The following EP400 variants were observed in gnomAD, a reference collection of about 807,000 sequenced individuals.
The protein encoded by EP400 is E1A binding protein p400.
EP400 carries 105 observed loss-of-function variants against 354.1 expected under a neutral mutation model. The ratio of observed to expected loss-of-function variants is 0.30; its 90% CI spans 0.25 to 0.35. The LOEUF (loss-of-function observed/expected upper bound fraction) is 0.35. EP400 is among the 10% of genes least tolerant of loss of function. The pLI, the probability that EP400 is intolerant of heterozygous loss-of-function variation, is 1.00. For missense variants in EP400, 3,280 were observed against 4,121.0 expected (o/e 0.80, Z 5.59); for synonymous variants, 1,646 against 1,716.9 (o/e 0.96, Z 1.02).
intron 51 of EP400, 69 bp downstream of exon 51, chr12:132,069,710 G>A (rs1054168489): frequency 8.2e-6 from 13 of 1,583,272 alleles, no homozygotes; most frequent in Admixed American, 5.2e-5. Context: ...TGTGTGTCTC[G>A]CGGGCTTTGC....
chr12:131,996,967 A>G (rs1384016668), intron 12 of EP400, among the ~76,000 whole-genome samples: 1 of 152,220 alleles, frequency 6.6e-6, no homozygotes, highest in Non-Finnish European at 1.5e-5. Flanking sequence ...TAATTTCAGC[A>G]TACAGCAAGT....
At position 132,069,525 on chromosome 12, in the gene EP400, G is replaced by A. The variant is rs148940674; in HGVS notation, c.8905G>A (p.Ala2969Thr). 17 of 1,614,090 alleles carry A rather than the reference G, an allele frequency of 1.1e-5. No homozygotes were observed. The highest frequency in any genetic ancestry group is 6.7e-5 in the African/African-American group (5 of 74,948). Residue 2969 changes from alanine (A) to threonine (T), a missense_variant, in exon 51 of 53, where the codon GCG (alanine) becomes ACG (threonine). Physicochemically the swap from Ala to Thr is moderately conservative, Grantham distance 58. Coordinates refer to ENST00000389561, the MANE Select transcript of EP400 (RefSeq NM_015409.5). ...CGCACAGCAGATCACCACCCCTGGC[G>A]CGCAGCAGAAGGTTGCCTACGCCGC... ...ITAQQITTPG[A>T]QQKVAYAAQP...
At position 132,021,201 on chromosome 12, in the gene EP400, G is replaced by A; in HGVS notation, c.4570G>A (p.Ala1524Thr). The A allele has an allele frequency of 6.2e-7, 1 of 1,600,016 alleles. No homozygotes were observed. Among genetic ancestry groups the A allele is most frequent in the Non-Finnish European group, 8.5e-7 (1 of 1,179,322 alleles). ...TGCGAAACTGCGGGCCCAGACCACA[G>A]CACAGGCCTCCACCCCAGGCCAGCC... is the stretch of plus-strand genomic sequence containing the variant. The part of the protein sequence containing the change: ...HPAKLRAQTT[A>T]QASTPGQPPP... Residue 1524 changes from alanine (A) to threonine (T), a missense_variant, in exon 23 of 53, where the codon GCA becomes ACA. This residue lies in a region of EP400 where 342 missense variants were observed against 342.7 expected (regional missense o/e 1.00). Coordinates refer to ENST00000389561, the MANE Select transcript of EP400 (RefSeq NM_015409.5).
intron 39 of EP400, among the ~76,000 whole-genome samples, chr12:132,049,921 G>A (rs1433340172): frequency 6.6e-6 from 1 of 152,184 alleles, no homozygotes; most frequent in Non-Finnish European, 1.5e-5. Context: ...GTCCACCGTG[G>A]GCAGATGACA....
chr12:132,067,320 C>T lies in EP400; in HGVS notation c.8750-42C>T. ...CAGAGCTTGGCGTGAGCCTCAAGCTCTTTTCCCAGTGTGCTGACTAAGGGG... is the reference window on the plus strand; with the variant it reads ...CAGAGCTTGGCGTGAGCCTCAAGCTTTTTTCCCAGTGTGCTGACTAAGGGG... On this transcript the variant is annotated intron_variant, in intron 49 of 52. Coordinates refer to ENST00000389561, the MANE Select transcript of EP400 (RefSeq NM_015409.5). The surrounding 1 kb of genome is among the most constrained non-coding windows in gnomAD (Gnocchi z 5.3). The T allele has an allele frequency of 1.3e-6, 2 of 1,598,706 alleles. No individual in the cohort carries two copies. Among genetic ancestry groups the T allele is most frequent in the African/African-American group, 1.3e-5 (1 of 74,632 alleles).
rs957998682 is a variant in EP400 at position 131,965,820 on chromosome 12, A to G, written c.1335+3866A>G. Among the ~76,000 whole-genome samples the G allele has an allele frequency of 5.3e-5, 8 of 152,182 alleles. No individual in the cohort carries two copies. The East Asian group carries it at 7.7e-4, about 15-fold the overall frequency. On this transcript the variant is annotated intron_variant, in intron 2 of 52. Transcript: ENST00000389561. The stretch of plus-strand genomic sequence containing the variant: ...TTTGTTCTTTTTATTGCTGAGTGCT[A>G]TTCCATTGTGTGAATGTGCCCCAGT...
chr12:132,050,179 T>C lies in EP400; in HGVS notation c.7201-144T>C. 2 of 1,019,760 alleles carry C rather than the reference T, an allele frequency of 2.0e-6. No individual in the cohort carries two copies. Among genetic ancestry groups the C allele is most frequent in the South Asian group, 3.2e-5 (2 of 61,806 alleles). 63.2% of individuals were successfully genotyped at this position (1,019,760 alleles called of 1,614,324 possible). The stretch of plus-strand genomic sequence containing the variant: ...CGCTGCTGTTGGGTTATGCCTGAAC[T>C]TGGAAAGAAGGCCCAGGAAAAGGAA... On this transcript the variant is annotated intron_variant, in intron 39 of 52. Transcript: ENST00000389561. The surrounding 1 kb of genome is among the most constrained non-coding windows in gnomAD (Gnocchi z 4.8).
chr12:131,996,958 A>T (rs980533753), intron 12 of EP400, among the ~76,000 whole-genome samples: 4 of 152,172 alleles, frequency 2.6e-5, no homozygotes, highest in Non-Finnish European at 4.4e-5. Flanking sequence ...AGGCGTTCTT[A>T]ATTTCAGCAT....
In EP400 at chr12:132,067,280, G is replaced by T; in HGVS notation, c.8750-82G>T. On this transcript the variant is annotated intron_variant, in intron 49 of 52. Coordinates refer to ENST00000389561, the MANE Select transcript of EP400 (RefSeq NM_015409.5). This position sits in a 1 kb window ranked among gnomAD's most constrained non-coding sequence, Gnocchi z 5.3. ...TCATAGTTTGTTATTTTCTGTAGAG[G>T]TGAGTCAGTTGGAACAGAGCTTGGC... is the stretch of plus-strand genomic sequence containing the variant. 3 of 1,548,178 alleles carry T rather than the reference G, an allele frequency of 1.9e-6. No individual in the cohort carries two copies. The highest frequency in any genetic ancestry group is 1.7e-6 in the Non-Finnish European group (2 of 1,144,464).
At chr12:132,032,785 C>G (rs1894564886) in intron 30 of EP400, among the ~76,000 whole-genome samples, 1 of 152,036 alleles carries the variant, frequency 6.6e-6, no homozygotes, top group South Asian at 2.1e-4. Flanking sequence ...CGTGCACCAC[C>G]ACGACCGGCT....
chr12:132,057,565 T>C (rs1895554496), intron 45 of EP400, among the ~76,000 whole-genome samples: 2 of 152,228 alleles, frequency 1.3e-5, no homozygotes, highest in Non-Finnish European at 2.9e-5. Flanking sequence ...CCGTCAGAAT[T>C]CGTAGAACCA....
In EP400 at chr12:132,050,456, C is replaced by T. The variant is rs1895252394; in HGVS notation, c.7334C>T (p.Pro2445Leu). 1 of 1,614,050 alleles carries T rather than the reference C, an allele frequency of 6.2e-7. No homozygotes were observed. Among genetic ancestry groups the T allele is most frequent in the African/African-American group, 1.3e-5 (1 of 74,926 alleles). The change falls in exon 40 of 53, where the codon CCT becomes CTT. Residue 2445 changes from proline to leucine, a missense_variant. This residue lies in a region of EP400 where 29 missense variants were observed against 86.0 expected (regional missense o/e 0.34). Coordinates refer to ENST00000389561, the MANE Select transcript of EP400 (RefSeq NM_015409.5). The surrounding 1 kb of genome is among the most constrained non-coding windows in gnomAD (Gnocchi z 4.8). ...GGCAAGAGGAGTCCCCCAATCAAAC[C>T]TCTGTATGTTTCCTGAGTGCTCATT... ...TAGKRSPPIK[P>L]LLGMNPFQKN...
In EP400 at chr12:132,025,780, A is replaced by G. The variant is rs1366590341; in HGVS notation, c.4990A>G (p.Ser1664Gly). 6.2e-7 allele frequency: 1 copy of G among 1,609,594 alleles called. No homozygotes were observed. The highest frequency in any genetic ancestry group is 1.1e-5 in the South Asian group (1 of 90,534). Residue 1664 changes from serine to glycine, a missense_variant, in exon 25 of 53, where the codon AGC becomes GGC. Ser to Gly is a moderately conservative substitution (Grantham distance 56, BLOSUM62 0). Transcript: ENST00000389561. This position sits in a 1 kb window ranked among gnomAD's most constrained non-coding sequence, Gnocchi z 4.1. ...AAGCAAGCCCCCGGCCGGCGGTCCCAGCCCTGCACCCTTGACCCCACAAGG... is the reference window on the plus strand; with the variant it reads ...AAGCAAGCCCCCGGCCGGCGGTCCCGGCCCTGCACCCTTGACCCCACAAGG... ...LGSKPPAGGPSPAPLTPQVGV... is the reference protein window; with the variant it reads ...LGSKPPAGGPGPAPLTPQVGV...
rs1895181768 is a variant in EP400 at position 132,048,397 on chromosome 12, G to C, written c.7201-1926G>C. Among the ~76,000 whole-genome samples the C allele has an allele frequency of 2.6e-5, 4 of 152,266 alleles. No homozygotes were observed. In the South Asian group the frequency reaches 8.3e-4, roughly 32 times the overall value. ...TCACAATCCACGTTCTTCTGCCATG[G>C]CTTCGGCCAGTCCCTCTGTTCGGGG... On this transcript the variant is annotated intron_variant, in intron 39 of 52. Transcript: ENST00000389561.
At chr12:131,989,934 A>G (rs1050050946) in intron 7 of EP400, 30 bp from the exon 8 acceptor site, 6 of 1,611,734 alleles carry the variant, frequency 3.7e-6, no homozygotes, top group Non-Finnish European at 5.1e-6. Flanking sequence ...ATAGAGTACA[A>G]CATACAATTC....
Position 132,013,897 on chromosome 12 carries a change from G to A in EP400, c.3907G>A (p.Val1303Ile), listed in dbSNP as rs756769631. ...SNRQKALYED[V>I]ILQPGTQEAL... ...CCGACAAAAAGCCTTATACGAGGAC[G>A]TTATCCTGCAACCTGGGTGAGTGTG... The change falls in exon 19 of 53, where the codon GTT (valine) becomes ATT (isoleucine). Residue 1303 changes from valine to isoleucine, a missense_variant. Val to Ile is a conservative substitution (Grantham distance 29). Transcript: ENST00000389561. This position sits in a 1 kb window ranked among gnomAD's most constrained non-coding sequence, Gnocchi z 4.5. The A allele has an allele frequency of 1.4e-5, 22 of 1,614,108 alleles. No homozygotes were observed. Among genetic ancestry groups the A allele is most frequent in the Middle Eastern group, 1.6e-4 (1 of 6,084 alleles).
chr12:132,063,965 C>G (rs547643971), intron 47 of EP400, among the ~76,000 whole-genome samples: 2 of 150,820 alleles, frequency 1.3e-5, no homozygotes, highest in Non-Finnish European at 3.0e-5. Context: ...CGGGCTTTGA[C>G]CCCCCCGGCC....
At chr12:131,962,005 G>C in intron 2 of EP400, 51 bp downstream of exon 2, 1 of 1,542,194 alleles carries the variant, frequency 6.5e-7, no homozygotes, top group Non-Finnish European at 8.7e-7. Context: ...GATGATCAGA[G>C]TCTATGCGAC....
chr12:132,067,723 G>A lies in EP400; in HGVS notation c.8874+237G>A, dbSNP rs534402114. 4.6e-5 allele frequency among the ~76,000 whole-genome samples: 7 copies of A among 152,036 alleles called. No individual in the cohort carries two copies. Among genetic ancestry groups the A allele is most frequent in the Non-Finnish European group, 1.0e-4 (7 of 67,980 alleles). The stretch of plus-strand genomic sequence containing the variant: ...AGGTCTTGGCAGGGGGATGGAGGGG[G>A]TATAGTCTGTGAGGATGGCTGGGTG... On this transcript the variant is annotated intron_variant, in intron 50 of 52. Coordinates refer to ENST00000389561, the MANE Select transcript of EP400 (RefSeq NM_015409.5). The surrounding 1 kb of genome is among the most constrained non-coding windows in gnomAD (Gnocchi z 5.3).
Sources: allele counts gnomAD v4.1 joint callset (sites outside exome capture counted in the v4.1 genomes callset), GRCh38; gene constraint gnomAD v4.1.1; regional missense constraint gnomAD v4.1.1; non-coding constraint Gnocchi (gnomAD v3.1); transcripts MANE v1.5; gene names NCBI Gene and HGNC (gene_info 2026-07-23, HGNC 2026-07-21).